TACC3: variants seen among roughly 807,000 people sequenced by gnomAD.
TACC3 encodes the protein transforming acidic coiled-coil-containing protein 3.
In TACC3, 52 loss-of-function variants were observed where a neutral mutation model predicts 86.0. That is an observed-to-expected ratio of 0.60 (90% CI 0.48 to 0.76). TACC3 has a LOEUF of 0.76. Among genes scored for constraint, TACC3 ranks in the 30% least tolerant of loss-of-function variants. TACC3 has a pLI of 0.00. For synonymous variants in TACC3, 512 were observed against 430.0 expected, an observed-to-expected ratio of 1.19 and a Z score of -2.36; for missense variants, 1,120 against 1,070.4, an observed-to-expected ratio of 1.05 and a Z score of -0.65.
intron 9 of TACC3, 83 bp from the exon 10 acceptor site, chr4:1,737,515 T>C (rs1718339152): frequency 8.2e-7 from 1 of 1,225,268 alleles, no homozygotes; most frequent in Non-Finnish European, 1.1e-6. Flanking sequence ...TCTTGGCCTG[T>C]GTGGGCCTTT....
Position 1,739,740 on chromosome 4 carries a change from C to T in TACC3, c.1980C>T (p.Ser660=). The T allele has an allele frequency of 6.3e-7, 1 of 1,588,580 alleles. No homozygotes were observed. Among genetic ancestry groups the T allele is most frequent in the Non-Finnish European group, 8.6e-7 (1 of 1,168,612 alleles). ...ATQEENRELR[S]RCEELHGKNL... ...AGGAGGAGAACCGGGAGCTGAGGAGCAGGTGTGAGGAGCTCCACGGGAAGA... is the reference window on the plus strand; with the variant it reads ...AGGAGGAGAACCGGGAGCTGAGGAGTAGGTGTGAGGAGCTCCACGGGAAGA... Residue 660 remains serine, a synonymous_variant, in exon 11 of 16, where the codon AGC becomes AGT. Transcript: ENST00000313288.
At chr4:1,741,612 C>G (rs1718604692) in intron 13 of TACC3, 1 of 152,402 alleles carries the variant, frequency 6.6e-6, no homozygotes, top group Admixed American at 6.5e-5. Context: ...TCAACGCCTC[C>G]TGTGGAGGAG....
rs777278802 is a variant in TACC3, at chr4:1,728,269, G to C, written c.867G>C (p.Gln289His). The C allele has an allele frequency of 1.9e-6, 3 of 1,612,572 alleles. No individual in the cohort carries two copies. Among genetic ancestry groups the C allele is most frequent in the South Asian group, 1.1e-5 (1 of 91,088 alleles). Residue 289 changes from glutamine (Q) to histidine (H), a missense_variant, in exon 4 of 16, where the codon CAG (glutamine) becomes CAC (histidine). By Grantham distance (24) the Gln-to-His change is conservative. Transcript: ENST00000313288. ...CCCCCGTGCCAGCAGATGGCACTCA[G>C]ACCCTTACCTGTGCACACACCTCTG... ...VGTPVPADGT[Q>H]TLTCAHTSAP...
chr4:1,744,319 G>T, intron 13 of TACC3, 199 bp from the exon 14 acceptor site: 1 of 583,282 alleles, frequency 1.7e-6, no homozygotes, highest in South Asian at 2.1e-5. Context: ...AGGGTGGAGA[G>T]CCAGGGCTGT....
chr4:1,727,655 C>G, intron 3 of TACC3, 53 bp from the exon 4 acceptor site: 1 of 1,533,994 alleles, frequency 6.5e-7, no homozygotes, highest in East Asian at 2.3e-5. Context: ...TGCTGAGGCC[C>G]CTAACCTCAC....
chr4:1,737,128 A>G, intron 8 of TACC3, 113 bp from the exon 9 acceptor site: 4 of 815,820 alleles, frequency 4.9e-6, no homozygotes, highest in Non-Finnish European at 8.2e-6. Context: ...CCCTGACTTG[A>G]GTGGTTTTAA....
intron 3 of TACC3, 49 bp from the exon 4 acceptor site, chr4:1,727,659 A>C (rs1190972931): frequency 6.5e-7 from 1 of 1,535,124 alleles, no homozygotes; most frequent in Non-Finnish European, 8.8e-7. Context: ...GAGGCCCCTA[A>C]CCTCACCAGG....
chr4:1,728,192 C>T lies in TACC3; in HGVS notation c.790C>T (p.Pro264Ser). Residue 264 changes from proline (P) to serine (S), a missense_variant, in exon 4 of 16, where the codon CCC becomes TCC. Physicochemically the swap from Pro to Ser is moderately conservative, Grantham distance 74. Coordinates refer to ENST00000313288, the MANE Select transcript of TACC3 (RefSeq NM_006342.3). ...AIPKEACGGA[P>S]LQGLPGEALG... ...CCCTAAGGAAGCCTGCGGAGGAGCACCCCTGCAGGGTCTGCCTGGCGAAGC... is the reference window on the plus strand; with the variant it reads ...CCCTAAGGAAGCCTGCGGAGGAGCATCCCTGCAGGGTCTGCCTGGCGAAGC... 3 of 1,611,768 alleles carry T rather than the reference C, an allele frequency of 1.9e-6. No homozygotes were observed. Among genetic ancestry groups the T allele is most frequent in the Middle Eastern group, 3.3e-4 (2 of 6,062 alleles).
At chr4:1,740,143 C>A in intron 12 of TACC3, 141 bp downstream of exon 12, 1 of 803,868 alleles carries the variant, frequency 1.2e-6, no homozygotes, top group Non-Finnish European at 2.0e-6. Flanking sequence ...AACATGGGCC[C>A]GGCCGTGGAA....
intron 6 of TACC3, among the ~76,000 whole-genome samples, chr4:1,733,986 A>C (rs376530351): frequency 1.3e-5 from 2 of 152,040 alleles, no homozygotes; most frequent in Non-Finnish European, 2.9e-5. Flanking sequence ...CAAAAAAAAA[A>C]AAAAGAAAAG....
upstream of TACC3, chr4:1,720,967 G>C (rs971772845): frequency 6.3e-6 from 3 of 475,890 alleles, no homozygotes; most frequent in Non-Finnish European, 1.0e-5. The surrounding 1 kb of genome is among the most constrained non-coding windows in gnomAD (Gnocchi z 4.4). Flanking sequence ...TCTAGGACAT[G>C]GAGTCCCGCC....
At chr4:1,733,019 G>A (rs1718078936) in intron 6 of TACC3, among the ~76,000 whole-genome samples, 1 of 152,194 alleles carries the variant, frequency 6.6e-6, no homozygotes, top group African/African-American at 2.4e-5. Context: ...GCCTTCCAGA[G>A]TGGCTGCAGT....
At chr4:1,740,289 C>A in intron 12 of TACC3, 1 of 544,430 alleles carries the variant, frequency 1.8e-6, no homozygotes. Flanking sequence ...TCTGTCCCGC[C>A]GTGGCCTACC....
chr4:1,737,762 A>G lies in TACC3; in HGVS notation c.1941+60A>G, dbSNP rs576361001. ...TGCAGGCCGCTCTGGGGCTTGGCCA[A>G]CAGTGGGCAGGGGTCCAACAGCCTG... On this transcript the variant is annotated intron_variant, in intron 10 of 15. Transcript: ENST00000313288. The G allele has an allele frequency of 9.5e-6, 14 of 1,470,990 alleles. No individual in the cohort carries two copies. In the East Asian group the frequency reaches 3.0e-4, roughly 31 times the overall value. The allele number at this position is 1,470,990 out of a possible 1,614,324, so 91.1% of individuals were successfully genotyped here.
Position 1,740,853 on chromosome 4 carries a change from C to G in TACC3, c.2090C>G (p.Ser697Cys). 1 of 1,610,912 alleles carries G rather than the reference C, an allele frequency of 6.2e-7. No homozygotes were observed. The highest frequency in any genetic ancestry group is 8.5e-7 in the Non-Finnish European group (1 of 1,179,284). Residue 697 changes from serine to cysteine, a missense_variant, in exon 13 of 16, where the codon TCC becomes TGC. Coordinates refer to ENST00000313288, the MANE Select transcript of TACC3 (RefSeq NM_006342.3). ...MEEVQKQKELSKAEIQKVLKE... is the reference protein window; with the variant it reads ...MEEVQKQKELCKAEIQKVLKE... ...GAAGTTCAGAAGCAGAAGGAACTTTCCAAAGCTGAAATCCAGAAAGTTCTA... is the reference window on the plus strand; with the variant it reads ...GAAGTTCAGAAGCAGAAGGAACTTTGCAAAGCTGAAATCCAGAAAGTTCTA...
Position 1,731,229 on chromosome 4 carries a change from C to T in TACC3, c.1519C>T (p.Pro507Ser), listed in dbSNP as rs1717993350. The change falls in exon 6 of 16, where the codon CCA becomes TCA. Residue 507 changes from proline (P) to serine (S), a missense_variant. Physicochemically the swap from Pro to Ser is moderately conservative, Grantham distance 74. Coordinates refer to ENST00000313288, the MANE Select transcript of TACC3 (RefSeq NM_006342.3). ...SLPTSCPGSEPVPTHQQGQPA... is the reference protein window; with the variant it reads ...SLPTSCPGSESVPTHQQGQPA... ...TCCCACAAGCTGTCCAGGCAGTGAG[C>T]CAGTGCCCACCCATCAGCAGGGGCA... The T allele has an allele frequency of 6.2e-7, 1 of 1,613,354 alleles. No homozygotes were observed. The highest frequency in any genetic ancestry group is 8.5e-7 in the Non-Finnish European group (1 of 1,179,978).
rs370237492 is a variant in TACC3 at position 1,737,626 on chromosome 4, C to T, written c.1865C>T (p.Ala622Val). ...PVPGPPPGVPAPGGPPLSTGP... is the reference protein window; with the variant it reads ...PVPGPPPGVPVPGGPPLSTGP... Reference sequence around the variant, plus strand: ...CCAGGCCCACCCCCAGGTGTTCCCGCGCCTGGGGGCCCACCCCTGTCCACC... The same window carrying T: ...CCAGGCCCACCCCCAGGTGTTCCCGTGCCTGGGGGCCCACCCCTGTCCACC... Residue 622 changes from alanine (A) to valine (V), a missense_variant, in exon 10 of 16, where the codon GCG (alanine) becomes GTG (valine). Physicochemically the swap from Ala to Val is moderately conservative, Grantham distance 64. Coordinates refer to ENST00000313288, the MANE Select transcript of TACC3 (RefSeq NM_006342.3). 104 of 1,529,360 alleles carry T rather than the reference C, an allele frequency of 6.8e-5. 1 individual carries two copies. The highest frequency in any genetic ancestry group is 6.8e-4 in the Middle Eastern group (4 of 5,888). 94.7% of individuals were successfully genotyped at this position (1,529,360 alleles called of 1,614,324 possible).
Position 1,744,777 on chromosome 4 carries a change from G to T in TACC3, c.2396G>T (p.Ser799Ile). ...GCGGAAGCGTTGGCCCTCCAGGCCAGCCTGAGGAAGGAGCAGATGCGCATC... is the reference window on the plus strand; with the variant it reads ...GCGGAAGCGTTGGCCCTCCAGGCCATCCTGAGGAAGGAGCAGATGCGCATC... ...AQAEALALQASLRKEQMRIQS... is the reference protein window; with the variant it reads ...AQAEALALQAILRKEQMRIQS... The change falls in exon 15 of 16, where the codon AGC becomes ATC. Residue 799 changes from serine to isoleucine, a missense_variant. Transcript: ENST00000313288. The T allele has an allele frequency of 6.2e-7, 1 of 1,612,830 alleles. No homozygotes were observed. Among genetic ancestry groups the T allele is most frequent in the Non-Finnish European group, 8.5e-7 (1 of 1,180,030 alleles).
In TACC3 at chr4:1,735,748, G is replaced by C. The variant is rs750671816; in HGVS notation, c.1662G>C (p.Leu554Phe). Residue 554 changes from leucine to phenylalanine, a missense_variant, in exon 8 of 16, where the codon TTG becomes TTC. Transcript: ENST00000313288. The surrounding 1 kb of genome is among the most constrained non-coding windows in gnomAD (Gnocchi z 4.2). ...FGTSSFKESALRKQSLYLKFD... is the reference protein window; with the variant it reads ...FGTSSFKESAFRKQSLYLKFD... Reference sequence around the variant, plus strand: ...GTCCCCAGTTTAAGGAGTCGGCCTTGAGGAAGCAGTCCTTATACCTCAAGT... The same window carrying C: ...GTCCCCAGTTTAAGGAGTCGGCCTTCAGGAAGCAGTCCTTATACCTCAAGT... 5.0e-6 allele frequency: 8 copies of C among 1,613,226 alleles called. No individual in the cohort carries two copies. The highest frequency in any genetic ancestry group is 6.8e-6 in the Non-Finnish European group (8 of 1,179,834).
Sources: allele counts gnomAD v4.1 joint callset (sites outside exome capture counted in the v4.1 genomes callset), GRCh38; gene constraint gnomAD v4.1.1; non-coding constraint Gnocchi (gnomAD v3.1); transcripts MANE v1.5; gene names NCBI Gene and HGNC (gene_info 2026-07-23, HGNC 2026-07-21).